The following GALNT13 variants were observed in gnomAD, a reference collection of about 807,000 sequenced individuals.
GALNT13 encodes the protein UDP-GalNAc:polypeptide N-acetylgalactosaminyltransferase 13.
Under a neutral mutation model 64.2 loss-of-function variants are expected in GALNT13, and 28 were observed. The observed-to-expected ratio is 0.44, with a 90% CI of 0.32 to 0.60. GALNT13 has a LOEUF of 0.60. GALNT13 is among the 20% of genes least tolerant of loss of function. GALNT13 has a pLI of 0.05. For synonymous variants in GALNT13, 214 were observed against 224.6 expected, an observed-to-expected ratio of 0.95 and a Z score of 0.42; for missense variants, 577 against 669.8, an observed-to-expected ratio of 0.86 and a Z score of 1.53.
At chr2:154,369,412 A>C (rs1349602493) in intron 9 of GALNT13, among the ~76,000 whole-genome samples, 2 of 152,162 alleles carry the variant, frequency 1.3e-5, no homozygotes, top group African/African-American at 2.4e-5. Flanking sequence ...TACCAAAATA[A>C]TACTTCAGTG....
the GALNT13 span, among the ~76,000 whole-genome samples, chr2:153,311,947 T>C: frequency 6.6e-6 from 1 of 152,236 alleles, no homozygotes; most frequent in Non-Finnish European, 1.5e-5. Context: ...AGATGCTGAA[T>C]GACAATCAGT....
At chr2:153,100,992 GTGTGA>G in the GALNT13 span, among the ~76,000 whole-genome samples, 36,211 of 151,960 alleles carry the variant, frequency 0.24, 4,871 homozygotes, top group Non-Finnish European at 0.31. Context: ...TCGTGCCACT[GTGTGA>G]CAGTGTGAGA....
the GALNT13 span, among the ~76,000 whole-genome samples, chr2:153,483,560 G>T: frequency 1.3e-5 from 2 of 151,976 alleles, no homozygotes; most frequent in East Asian, 3.9e-4. Flanking sequence ...GGGATTACAG[G>T]TATGAGGCAC....
At chr2:153,341,458 A>G in the GALNT13 span, among the ~76,000 whole-genome samples, 1 of 152,308 alleles carries the variant, frequency 6.6e-6, no homozygotes, top group African/African-American at 2.4e-5. Flanking sequence ...CAACTAGAGA[A>G]TCTATTATAG....
chr2:153,905,468 A>T (rs1189950917), intron 2 of GALNT13, among the ~76,000 whole-genome samples: 8 of 152,034 alleles, frequency 5.3e-5, no homozygotes, highest in African/African-American at 1.7e-4. Context: ...TAGAACAATT[A>T]TAACAATATA....
chr2:153,317,039 T>A, the GALNT13 span, among the ~76,000 whole-genome samples: 1 of 152,190 alleles, frequency 6.6e-6, no homozygotes, highest in Non-Finnish European at 1.5e-5. Context: ...AATGTCAACT[T>A]ATCTTTTTTT....
the GALNT13 span, among the ~76,000 whole-genome samples, chr2:153,550,271 G>C: frequency 6.7e-6 from 1 of 149,798 alleles, no homozygotes; most frequent in Non-Finnish European, 1.5e-5. Context: ...GTCTCACTCT[G>C]TCTTCCAGGC....
At chr2:154,061,695 A>G (rs1260869299) in intron 3 of GALNT13, among the ~76,000 whole-genome samples, 9 of 152,062 alleles carry the variant, frequency 5.9e-5, no homozygotes, top group African/African-American at 1.4e-4. Flanking sequence ...TTCTAATTCA[A>G]AGTGTTTTTA....
At chr2:153,856,632 T>C in the GALNT13 span, among the ~76,000 whole-genome samples, 3 of 152,224 alleles carry the variant, frequency 2.0e-5, no homozygotes, top group South Asian at 4.1e-4. Context: ...CTTGTCTAGG[T>C]GAAGATATGG....
chr2:153,212,041 T>G, the GALNT13 span, among the ~76,000 whole-genome samples: 2 of 152,188 alleles, frequency 1.3e-5, no homozygotes, highest in East Asian at 1.9e-4. Flanking sequence ...ATAGAGAAAT[T>G]TGCTTCAAAA....
intron 1 of GALNT13, among the ~76,000 whole-genome samples, chr2:153,882,736 C>T (rs1168739300): frequency 2.0e-5 from 3 of 151,618 alleles, no homozygotes; most frequent in African/African-American, 7.3e-5. Flanking sequence ...TAAAGCAATC[C>T]TCCTGCCTTA....
At chr2:153,823,827 A>G in the GALNT13 span, among the ~76,000 whole-genome samples, 1 of 152,232 alleles carries the variant, frequency 6.6e-6, no homozygotes, top group Non-Finnish European at 1.5e-5. Flanking sequence ...CAGAGTAAAT[A>G]GATGACCTAT....
At chr2:153,672,608 C>G in the GALNT13 span, among the ~76,000 whole-genome samples, 3 of 152,100 alleles carry the variant, frequency 2.0e-5, no homozygotes, top group Admixed American at 2.0e-4. Context: ...CAGGAAAGAT[C>G]TAAAATCAGC....
intron 3 of GALNT13, among the ~76,000 whole-genome samples, chr2:153,971,005 C>T (rs1041181064): frequency 1.8e-4 from 27 of 152,290 alleles, no homozygotes; most frequent in African/African-American, 6.0e-4. Context: ...GCACTGGAGT[C>T]ACATTGACTT....
chr2:153,815,951 G>T, the GALNT13 span, among the ~76,000 whole-genome samples: 1 of 152,158 alleles, frequency 6.6e-6, no homozygotes, highest in Non-Finnish European at 1.5e-5. Context: ...TCTTCTTTCT[G>T]CAGGATGACT....
the GALNT13 span, among the ~76,000 whole-genome samples, chr2:153,570,381 C>T: frequency 6.6e-6 from 1 of 152,020 alleles, no homozygotes; most frequent in East Asian, 1.9e-4. Flanking sequence ...TGAATATTTT[C>T]CCCCATTCTG....
the GALNT13 span, among the ~76,000 whole-genome samples, chr2:153,780,260 C>CATATATATATATATGCAT: frequency 3.5e-5 from 4 of 115,256 alleles, no homozygotes; most frequent in African/African-American, 1.4e-4. Flanking sequence ...TATATATATG[C>CATATATATATATATGCAT]ATATATATAT....
chr2:153,425,773 A>T, the GALNT13 span, among the ~76,000 whole-genome samples: 1 of 151,886 alleles, frequency 6.6e-6, no homozygotes, highest in Non-Finnish European at 1.5e-5. Context: ...TGGTCTAAAA[A>T]TTTTTATTAT....
At chr2:154,150,426 G>A (rs1480070462) in intron 4 of GALNT13, among the ~76,000 whole-genome samples, 2 of 152,236 alleles carry the variant, frequency 1.3e-5, no homozygotes, top group Non-Finnish European at 1.5e-5. Context: ...TTGGTTATCA[G>A]GATGATGCTG....
Sources: allele counts gnomAD v4.1 joint callset (sites outside exome capture counted in the v4.1 genomes callset), GRCh38; gene constraint gnomAD v4.1.1; transcripts MANE v1.5; gene names NCBI Gene and HGNC (gene_info 2026-07-23, HGNC 2026-07-21).